Variants in LRPPRC observed in about 807,000 individuals in gnomAD.
LRPPRC encodes the protein leucine-rich PPR motif-containing protein, mitochondrial.
LRPPRC carries 120 observed loss-of-function variants against 180.3 expected under a neutral mutation model. The observed-to-expected ratio is 0.67, with a 90% confidence interval of 0.57 to 0.77. The LOEUF (loss-of-function observed/expected upper bound fraction) is 0.77. Among genes scored for constraint, LRPPRC ranks in the 30% least tolerant of loss-of-function variants. The pLI, the probability that LRPPRC is intolerant of heterozygous loss-of-function variation, is 0.00. For synonymous variants in LRPPRC, 723 were observed against 600.0 expected, an observed-to-expected ratio of 1.21 and a Z score of -3.00; for missense variants, 2,012 against 1,657.2, an observed-to-expected ratio of 1.21 and a Z score of -3.72.
rs1670446933 is a variant in LRPPRC, at chr2:43,890,431, AG to A, written c.3986-556del. The A allele has an allele frequency of 6.7e-5, 30 of 448,892 alleles. 1 individual carries two copies. Among genetic ancestry groups the A allele is most frequent in the South Asian group, 4.9e-4 (30 of 61,124 alleles). 27.8% of individuals were successfully genotyped at this position (448,892 alleles called of 1,614,324 possible). A position where few individuals can be genotyped will look rare whatever the true frequency, so the allele number is the denominator to read the frequency against. The stretch of plus-strand genomic sequence containing the variant: ...TGATACACACACACAAAAAACCTAT[AG>A]GCCGGGCGCAGTGGCTCACGCCTGT... On this transcript the variant is annotated intron_variant, in intron 36 of 37. Transcript: ENST00000260665.
intron 3 of LRPPRC, among the ~76,000 whole-genome samples, chr2:43,978,077 T>G (rs1047851971): frequency 6.6e-6 from 1 of 152,162 alleles, no homozygotes; most frequent in African/African-American, 2.4e-5. Context: ...ATACTATGTT[T>G]CAGGCACTAT....
chr2:43,984,171 C>T (rs753351069), intron 1 of LRPPRC, among the ~76,000 whole-genome samples: 5 of 151,958 alleles, frequency 3.3e-5, no homozygotes, highest in Non-Finnish European at 5.9e-5. Context: ...CCCGCAAGCA[C>T]AAAGTGACAT....
intron 23 of LRPPRC, among the ~76,000 whole-genome samples, chr2:43,937,123 T>C (rs1672305229): frequency 6.6e-6 from 1 of 152,176 alleles, no homozygotes; most frequent in African/African-American, 2.4e-5. Flanking sequence ...GAATGAATAA[T>C]TGTTCTGTCA....
chr2:43,905,725 T>G lies in LRPPRC; in HGVS notation c.3331A>C (p.Ile1111Leu), dbSNP rs781451529. ...TAATCCCGCCTAACTTGCGTTATGA[T>G]GAGGCGGCTGTTGGCAGCATCGTTC... ...TLNDAANSRL[I>L]ITQVRRDYLK... Residue 1111 changes from isoleucine to leucine, a missense_variant, in exon 31 of 38, where the codon ATC becomes CTC. By Grantham distance (5) the Ile-to-Leu change is conservative. Coordinates refer to ENST00000260665, the MANE Select transcript of LRPPRC (RefSeq NM_133259.4). 1.4e-5 allele frequency: 23 copies of G among 1,613,948 alleles called. No individual in the cohort carries two copies. Among genetic ancestry groups the G allele is most frequent in the Admixed American group, 3.3e-5 (2 of 60,016 alleles).
In LRPPRC at chr2:43,889,656, C is replaced by CTTAT. The variant is rs1244311138; in HGVS notation, c.4128+74_4128+77dup. On this transcript the variant is annotated intron_variant, in intron 37 of 37. Transcript: ENST00000260665. ...AATCCTCATGTAATTAAGTCTTCAA[C>CTTAT]TTATTTTCTTACACATTGTTATGAA... The CTTAT allele has an allele frequency of 3.3e-6, 4 of 1,194,516 alleles. No homozygotes were observed. The African/African-American group carries it at 6.1e-5, about 18-fold the overall frequency. 74.0% of individuals were successfully genotyped at this position (1,194,516 alleles called of 1,614,324 possible).
rs1308850593 is a variant in LRPPRC at position 43,995,955 on chromosome 2, A to C, written c.-8T>G. 6.6e-7 allele frequency: 1 copy of C among 1,525,306 alleles called. No homozygotes were observed. Among genetic ancestry groups the C allele is most frequent in the South Asian group, 1.2e-5 (1 of 83,126 alleles). 94.5% of individuals were successfully genotyped at this position (1,525,306 alleles called of 1,614,324 possible). A position where few individuals can be genotyped will look rare whatever the true frequency, so the allele number is the denominator to read the frequency against. On this transcript the variant is annotated 5_prime_UTR_variant, in exon 1 of 38. Coordinates refer to ENST00000260665, the MANE Select transcript of LRPPRC (RefSeq NM_133259.4). The stretch of plus-strand genomic sequence containing the variant: ...TCTCAGCAGGGCTGCCATTGCTCGA[A>C]CGTCCCCGCAGCGGGAAGCACGCTC...
rs1245076176 is a variant in LRPPRC, at chr2:43,951,898, T to A, written c.1650-1298A>T. Among the ~76,000 whole-genome samples, 10 of 152,116 alleles carry A rather than the reference T, an allele frequency of 6.6e-5. No homozygotes were observed. In the East Asian group the frequency reaches 1.7e-3, roughly 26 times the overall value. On this transcript the variant is annotated intron_variant, in intron 14 of 37. Coordinates refer to ENST00000260665, the MANE Select transcript of LRPPRC (RefSeq NM_133259.4). ...ATCAAAGTATCAACTTACTGTCAAA[T>A]AAAAAATAGTTAAGGCTGGGTGTGG...
intron 14 of LRPPRC, among the ~76,000 whole-genome samples, chr2:43,952,124 C>T (rs187027432): frequency 1.7e-4 from 26 of 150,624 alleles, no homozygotes; most frequent in Middle Eastern, 3.4e-3. Flanking sequence ...ACCCGGGAGG[C>T]GGAGGTTGCG....
intron 11 of LRPPRC, among the ~76,000 whole-genome samples, chr2:43,970,309 G>C (rs1673747521): frequency 6.6e-6 from 1 of 152,134 alleles, no homozygotes; most frequent in South Asian, 2.1e-4. Flanking sequence ...GCAGGCTCAA[G>C]AAAACCTGGG....
intron 36 of LRPPRC, among the ~76,000 whole-genome samples, chr2:43,893,839 T>C (rs747085511): frequency 2.6e-5 from 4 of 152,186 alleles, no homozygotes; most frequent in Admixed American, 2.6e-4. Flanking sequence ...CTAATTCTGA[T>C]TCTTGAGTCT....
At chr2:43,990,030 T>A (rs1288757558) in intron 1 of LRPPRC, among the ~76,000 whole-genome samples, 1 of 151,928 alleles carries the variant, frequency 6.6e-6, no homozygotes, top group Non-Finnish European at 1.5e-5. Flanking sequence ...CTGGCCAACA[T>A]GGCAATGGCA....
chr2:43,978,607 T>C (rs1674163544), intron 3 of LRPPRC, among the ~76,000 whole-genome samples: 1 of 152,116 alleles, frequency 6.6e-6, no homozygotes, highest in Non-Finnish European at 1.5e-5. Context: ...TTTACTTTTC[T>C]GCTCCTTTTA....
chr2:43,934,214 G>A lies in LRPPRC; in HGVS notation c.2712C>T (p.Tyr904=). The A allele has an allele frequency of 6.2e-7, 1 of 1,607,028 alleles. No individual in the cohort carries two copies. Among genetic ancestry groups the A allele is most frequent in the East Asian group, 2.2e-5 (1 of 44,744 alleles). Residue 904 remains tyrosine (Y), a synonymous_variant, in exon 25 of 38, where the codon TAC becomes TAT. Transcript: ENST00000260665. Reference sequence around the variant, plus strand: ...CCTCAATGATCTTCTTGGCCTCTTTGTAATTTCCTGTTTGTAGGAAGGCAA... The same window carrying A: ...CCTCAATGATCTTCTTGGCCTCTTTATAATTTCCTGTTTGTAGGAAGGCAA... ...LFFAFLQTGN[Y]KEAKKIIETP... is the part of the protein sequence containing the mutation.
intron 12 of LRPPRC, among the ~76,000 whole-genome samples, chr2:43,961,065 T>G (rs1414176024): frequency 2.6e-5 from 4 of 152,142 alleles, no homozygotes; most frequent in Non-Finnish European, 5.9e-5. Context: ...AAAATTTAGC[T>G]CAAATACATT....
At chr2:43,933,212 C>T (rs917100761) in intron 25 of LRPPRC, among the ~76,000 whole-genome samples, 17 of 152,160 alleles carry the variant, frequency 1.1e-4, no homozygotes, top group African/African-American at 3.9e-4. Context: ...ATTGATTTCA[C>T]AGTCCTCCTT....
At chr2:43,898,071 T>TAA (rs61550367) in intron 34 of LRPPRC, among the ~76,000 whole-genome samples, 61,625 of 115,406 alleles carry the variant, frequency 0.53, 15,900 homozygotes, top group East Asian at 0.89. Context: ...TCCTTAAAAT[T>TAA]AAAAAAAAAA....
intron 29 of LRPPRC, among the ~76,000 whole-genome samples, chr2:43,916,865 A>G (rs1465567378): frequency 6.7e-6 from 1 of 150,078 alleles, no homozygotes; most frequent in African/African-American, 2.5e-5. Context: ...TAACTGCTTA[A>G]GCCCACGAGG....
chr2:43,984,373 TG>T (rs1674438335), intron 1 of LRPPRC, among the ~76,000 whole-genome samples: 1 of 152,216 alleles, frequency 6.6e-6, no homozygotes, highest in African/African-American at 2.4e-5. Flanking sequence ...ATTTTTTAAA[TG>T]TAAGAGAAGA....
intron 14 of LRPPRC, among the ~76,000 whole-genome samples, chr2:43,952,157 C>A (rs1328745129): frequency 2.0e-5 from 3 of 151,864 alleles, no homozygotes; most frequent in African/African-American, 7.3e-5. Context: ...CGCGCCACTG[C>A]ACTCCAGCCT....
Sources: allele counts gnomAD v4.1 joint callset (sites outside exome capture counted in the v4.1 genomes callset), GRCh38; gene constraint gnomAD v4.1.1; transcripts MANE v1.5; gene names NCBI Gene and HGNC (gene_info 2026-07-23, HGNC 2026-07-21).